Variants in KIAA1328 observed in about 807,000 individuals in gnomAD.
KIAA1328 encodes KIAA1328, also known as protein hinderin.
KIAA1328 carries 52 observed loss-of-function variants against 68.1 expected under a neutral mutation model. The ratio of observed to expected loss-of-function variants is 0.76; its 90% CI spans 0.61 to 0.96. KIAA1328 has a LOEUF of 0.96. Among genes scored for constraint, KIAA1328 ranks in the 40% least tolerant of loss-of-function variants. KIAA1328 has a pLI of 0.00. For synonymous variants in KIAA1328, 232 were observed against 239.4 expected, an observed-to-expected ratio of 0.97 and a Z score of 0.28; for missense variants, 641 against 677.6, an observed-to-expected ratio of 0.95 and a Z score of 0.60.
chr18:36,899,468 G>A, intron 5 of KIAA1328, among the ~76,000 whole-genome samples: 1 of 151,886 alleles, frequency 6.6e-6, no homozygotes, highest in East Asian at 1.9e-4. Flanking sequence ...TGCATAATCT[G>A]ACACTCTACT....
chr18:36,941,534 G>A (rs1017385858), intron 5 of KIAA1328, among the ~76,000 whole-genome samples: 7 of 152,166 alleles, frequency 4.6e-5, no homozygotes, highest in African/African-American at 1.7e-4. Flanking sequence ...GGCGGAGGTT[G>A]CAGTGAGCTG....
chr18:36,970,691 C>T (rs12606857), intron 6 of KIAA1328, among the ~76,000 whole-genome samples: 111,372 of 152,018 alleles, frequency 0.73, 43,936 homozygotes, highest in South Asian at 0.89. Context: ...GAGTGAACTC[C>T]CATTCACAAT....
intron 6 of KIAA1328, among the ~76,000 whole-genome samples, chr18:36,977,843 G>T (rs572564461): frequency 1.0e-3 from 158 of 152,068 alleles, no homozygotes; most frequent in Middle Eastern, 3.4e-3. Context: ...GAGTGCAGTG[G>T]TGCAGTCTTG....
chr18:37,066,565 G>A (rs2056345176), intron 6 of KIAA1328, among the ~76,000 whole-genome samples: 1 of 152,126 alleles, frequency 6.6e-6, no homozygotes, highest in Non-Finnish European at 1.5e-5. Flanking sequence ...TCATGTTTAA[G>A]GCTTTCACCT....
At chr18:36,829,480 A>G (rs993775235) in intron 1 of KIAA1328, 1 of 1,218,724 alleles carries the variant, frequency 8.2e-7, no homozygotes, top group Non-Finnish European at 1.0e-6. Flanking sequence ...GGCTCAGTCC[A>G]GGGCTGAGAT....
intron 7 of KIAA1328, among the ~76,000 whole-genome samples, chr18:37,080,577 C>G (rs1370479343): frequency 6.6e-6 from 1 of 151,956 alleles, no homozygotes; most frequent in African/African-American, 2.4e-5. Context: ...GAGGTCGACA[C>G]CATCCTGGCT....
intron 9 of KIAA1328, among the ~76,000 whole-genome samples, chr18:37,204,386 A>G (rs2060176396): frequency 6.6e-6 from 1 of 152,230 alleles, no homozygotes; most frequent in African/African-American, 2.4e-5. Flanking sequence ...CTTATTTATG[A>G]ATGCTCATTT....
chr18:36,829,540 C>A, intron 1 of KIAA1328: 1 of 858,896 alleles, frequency 1.2e-6, no homozygotes, highest in Non-Finnish European at 1.5e-6. Flanking sequence ...CCCAGGCTGA[C>A]TTGAGTGTGC....
chr18:36,933,353 GC>G (rs2050382122), intron 5 of KIAA1328, among the ~76,000 whole-genome samples: 1 of 152,114 alleles, frequency 6.6e-6, no homozygotes, highest in Non-Finnish European at 1.5e-5. Context: ...CCTTGGTGGG[GC>G]CCCCTCCAAT....
intron 5 of KIAA1328, among the ~76,000 whole-genome samples, chr18:36,927,397 C>T (rs2035855034): frequency 6.6e-6 from 1 of 152,092 alleles, no homozygotes; most frequent in Non-Finnish European, 1.5e-5. Context: ...TGAGCAGGAA[C>T]AATTTGGTAA....
At chr18:37,164,734 A>G (rs2059351372) in intron 8 of KIAA1328, among the ~76,000 whole-genome samples, 1 of 152,224 alleles carries the variant, frequency 6.6e-6, no homozygotes, top group African/African-American at 2.4e-5. Flanking sequence ...TGACAGAGCA[A>G]GATTCTGTCT....
chr18:36,926,193 A>C (rs1205872796), intron 5 of KIAA1328, among the ~76,000 whole-genome samples: 6 of 152,062 alleles, frequency 3.9e-5, no homozygotes, highest in Non-Finnish European at 8.8e-5. Flanking sequence ...AATTGGGAAT[A>C]TTTATAGTCT....
chr18:37,098,858 G>A (rs1037478507), intron 7 of KIAA1328, among the ~76,000 whole-genome samples: 2 of 152,150 alleles, frequency 1.3e-5, no homozygotes, highest in Admixed American at 6.5e-5. Flanking sequence ...TAGTTTATTT[G>A]TGTAGAAGTT....
At chr18:36,897,252 G>A (rs2048894918) in intron 5 of KIAA1328, among the ~76,000 whole-genome samples, 2 of 152,010 alleles carry the variant, frequency 1.3e-5, no homozygotes, top group South Asian at 4.1e-4. Flanking sequence ...ATGAAGAGCA[G>A]AGCCAAATGG....
chr18:37,060,211 T>G (rs2056094181), intron 6 of KIAA1328, among the ~76,000 whole-genome samples: 1 of 152,156 alleles, frequency 6.6e-6, no homozygotes, highest in Non-Finnish European at 1.5e-5. Context: ...TTGGAAAATG[T>G]AGGGCATTCA....
chr18:36,832,836 G>A (rs1202729432), intron 1 of KIAA1328: 1 of 142,116 alleles, frequency 7.0e-6, no homozygotes, highest in East Asian at 2.0e-4. Context: ...TATGTTCAAT[G>A]ATTTTTTTTT....
At chr18:36,887,858 C>T (rs557776524) in intron 5 of KIAA1328, among the ~76,000 whole-genome samples, 11 of 152,164 alleles carry the variant, frequency 7.2e-5, no homozygotes, top group African/African-American at 2.2e-4. Flanking sequence ...CTATAGCATA[C>T]AGTGGAATTG....
At chr18:37,086,057 A>C (rs2057093761) in intron 7 of KIAA1328, among the ~76,000 whole-genome samples, 1 of 152,198 alleles carries the variant, frequency 6.6e-6, no homozygotes, top group South Asian at 2.1e-4. Context: ...GAATCCAAAA[A>C]GGTTGAATCA....
chr18:36,980,402 A>G (rs1403061517), intron 6 of KIAA1328, among the ~76,000 whole-genome samples: 1 of 152,040 alleles, frequency 6.6e-6, no homozygotes, highest in Non-Finnish European at 1.5e-5. Context: ...GTTTCTCTTG[A>G]TAAGGAAGGA....
Sources: gnomAD v4.1 joint callset for allele counts (sites outside exome capture counted in the v4.1 genomes callset) on GRCh38, gnomAD v4.1.1 for gene constraint, MANE v1.5 for transcripts, NCBI Gene and HGNC (gene_info 2026-07-23, HGNC 2026-07-21) for gene names.